SLC24A2: variants seen among roughly 807,000 people sequenced by gnomAD.
SLC24A2 encodes solute carrier family 24 member 2.
Under a neutral mutation model 62.0 loss-of-function variants are expected in SLC24A2, and 36 were observed. The ratio of observed to expected loss-of-function variants is 0.58; its 90% CI spans 0.44 to 0.77. The LOEUF (loss-of-function observed/expected upper bound fraction) is 0.77, where lower values mean the gene tolerates loss of function less well. SLC24A2 is among the 30% of genes least tolerant of loss of function. The probability of loss-of-function intolerance (pLI) is 0.00; values close to 1 mark genes in which losing one functional copy is unlikely to be tolerated. For synonymous variants in SLC24A2, 358 were observed against 294.0 expected, an observed-to-expected ratio of 1.22 and a Z score of -2.23; for missense variants, 846 against 817.9, an observed-to-expected ratio of 1.03 and a Z score of -0.42.
chr9:19,882,578 T>C, the SLC24A2 span, among the ~76,000 whole-genome samples: 1 of 151,820 alleles, frequency 6.6e-6, no homozygotes, highest in Non-Finnish European at 1.5e-5. Flanking sequence ...GTCCTGACTT[T>C]AGGCAAATGT....
chr9:20,010,998 C>T, the SLC24A2 span, among the ~76,000 whole-genome samples: 1 of 152,046 alleles, frequency 6.6e-6, no homozygotes, highest in African/African-American at 2.4e-5. Context: ...TTTTCTTAAT[C>T]CAGTCTATCA....
the SLC24A2 span, among the ~76,000 whole-genome samples, chr9:19,980,504 T>C: frequency 0.015 from 2,234 of 152,206 alleles, 51 homozygotes; most frequent in African/African-American, 0.05. Flanking sequence ...CAAAAGTAAG[T>C]CTTTCTGGCA....
chr9:19,922,306 G>A, the SLC24A2 span, among the ~76,000 whole-genome samples: 1 of 152,194 alleles, frequency 6.6e-6, no homozygotes, highest in Admixed American at 6.5e-5. Context: ...GGGGAGCCAA[G>A]AGATCTCATA....
the SLC24A2 span, among the ~76,000 whole-genome samples, chr9:20,174,655 C>T: frequency 2.6e-5 from 4 of 152,000 alleles, no homozygotes; most frequent in South Asian, 2.1e-4. Context: ...AATGCAATAC[C>T]GCCTTATTCC....
In SLC24A2 at chr9:19,575,263, C is replaced by T. The variant is rs2132849218; in HGVS notation, c.1228+1661G>A. 2.0e-5 allele frequency among the ~76,000 whole-genome samples: 3 copies of T among 152,150 alleles called. No homozygotes were observed. In the South Asian group the frequency reaches 6.2e-4, roughly 32 times the overall value. ...CCAGTTTATCTTAGTATGCTTGATT[C>T]AGTTATTTAAATAAAAAATCATGAA... On this transcript the variant is annotated intron_variant, in intron 6 of 10. Transcript: ENST00000341998.
chr9:19,692,560 T>C (rs554274873), intron 2 of SLC24A2, among the ~76,000 whole-genome samples: 1 of 152,270 alleles, frequency 6.6e-6, no homozygotes, highest in East Asian at 1.9e-4. Context: ...TCTCTTTGAA[T>C]TGCAAAGAAA....
intron 2 of SLC24A2, among the ~76,000 whole-genome samples, chr9:19,684,554 C>G (rs1437198212): frequency 6.6e-6 from 1 of 152,028 alleles, no homozygotes; most frequent in African/African-American, 2.4e-5. Context: ...AGGGGAAACC[C>G]CAGTCTATCT....
chr9:19,682,243 T>C (rs974716715), intron 2 of SLC24A2, among the ~76,000 whole-genome samples: 3 of 152,174 alleles, frequency 2.0e-5, no homozygotes, highest in Non-Finnish European at 4.4e-5. Context: ...AGTAAGAGTC[T>C]CAATGTCTAA....
the SLC24A2 span, among the ~76,000 whole-genome samples, chr9:19,839,501 A>T: frequency 6.6e-6 from 1 of 152,158 alleles, no homozygotes; most frequent in Non-Finnish European, 1.5e-5. Flanking sequence ...TTCTCTATAT[A>T]GAACCACCTG....
the SLC24A2 span, among the ~76,000 whole-genome samples, chr9:20,278,270 T>C: frequency 6.6e-6 from 1 of 152,158 alleles, no homozygotes; most frequent in South Asian, 2.1e-4. Flanking sequence ...AAAATGGGTT[T>C]TTCTTTTCTA....
chr9:19,867,293 T>C, the SLC24A2 span, among the ~76,000 whole-genome samples: 1 of 152,146 alleles, frequency 6.6e-6, no homozygotes, highest in African/African-American at 2.4e-5. Context: ...AATTCATCAG[T>C]GAAACAATCT....
At chr9:20,022,742 A>C in the SLC24A2 span, among the ~76,000 whole-genome samples, 3 of 152,066 alleles carry the variant, frequency 2.0e-5, no homozygotes, top group African/African-American at 7.2e-5. Flanking sequence ...AAGAACAGTC[A>C]AACAAACAAA....
chr9:19,576,157 A>G (rs764417305), intron 6 of SLC24A2, among the ~76,000 whole-genome samples: 1 of 152,208 alleles, frequency 6.6e-6, no homozygotes, highest in Non-Finnish European at 1.5e-5. Flanking sequence ...CAGTATTTTG[A>G]GAGCAATGCT....
At chr9:19,532,936 T>C (rs1833777220) in intron 8 of SLC24A2, among the ~76,000 whole-genome samples, 1 of 152,200 alleles carries the variant, frequency 6.6e-6, no homozygotes, top group Admixed American at 6.5e-5. Flanking sequence ...TTTCGGTCCT[T>C]AGTTTATTTT....
At chr9:20,011,062 A>T in the SLC24A2 span, among the ~76,000 whole-genome samples, 1 of 152,158 alleles carries the variant, frequency 6.6e-6, no homozygotes, top group Admixed American at 6.5e-5. Flanking sequence ...TAGTGCCACA[A>T]TAAACATACA....
At chr9:19,946,325 G>A in the SLC24A2 span, among the ~76,000 whole-genome samples, 3 of 152,134 alleles carry the variant, frequency 2.0e-5, no homozygotes, top group African/African-American at 7.2e-5. Flanking sequence ...TTAGCCATGG[G>A]TGACCAGAGT....
intron 2 of SLC24A2, among the ~76,000 whole-genome samples, chr9:19,687,499 G>A (rs1184625579): frequency 6.6e-6 from 1 of 152,064 alleles, no homozygotes; most frequent in African/African-American, 2.4e-5. Flanking sequence ...CCACATATCA[G>A]GCCATAGCTA....
chr9:19,829,851 C>G, the SLC24A2 span, among the ~76,000 whole-genome samples: 1 of 139,502 alleles, frequency 7.2e-6, no homozygotes, highest in African/African-American at 2.6e-5. Context: ...ATATATAGAA[C>G]TTTTTTAAAC....
the SLC24A2 span, among the ~76,000 whole-genome samples, chr9:19,896,920 G>A: frequency 2.0e-5 from 3 of 152,200 alleles, no homozygotes; most frequent in African/African-American, 4.8e-5. Context: ...CTTTTAAAGT[G>A]TCTAATTTAA....
Sources: gnomAD v4.1 joint callset for allele counts (sites outside exome capture counted in the v4.1 genomes callset) on GRCh38, gnomAD v4.1.1 for gene constraint, MANE v1.5 for transcripts, NCBI Gene and HGNC (gene_info 2026-07-23, HGNC 2026-07-21) for gene names.